The following REEP3 variants were observed in gnomAD, a reference collection of about 807,000 sequenced individuals.
The protein encoded by REEP3 is receptor accessory protein 3, also known as receptor expression-enhancing protein 3.
REEP3 carries 20 observed loss-of-function variants against 41.3 expected under a neutral mutation model. The observed-to-expected ratio is 0.48, with a 90% CI of 0.34 to 0.70. The LOEUF is 0.70. REEP3 is among the 30% of genes least tolerant of loss of function. REEP3 has a pLI of 0.01. For missense variants in REEP3, 271 were observed against 308.8 expected, an observed-to-expected ratio of 0.88 and a Z score of 0.92; for synonymous variants, 104 against 101.8, an observed-to-expected ratio of 1.02 and a Z score of -0.13.
intron 2 of REEP3, among the ~76,000 whole-genome samples, chr10:63,581,199 A>G (rs969798995): frequency 2.6e-5 from 4 of 152,124 alleles, no homozygotes; most frequent in Admixed American, 6.5e-5. Context: ...TGCTTTACCA[A>G]CTACAGCTGT....
rs60910642 is a variant in REEP3, at chr10:63,617,812, CTTTTTTTTTTTTTT to C, written c.566-1829_566-1816del. On this transcript the variant is annotated intron_variant, in intron 6 of 7. Coordinates refer to ENST00000373758, the MANE Select transcript of REEP3 (RefSeq NM_001001330.3). ...TCCTAAGCCTGGAAATCCTTCTACT[CTTTTTTTTTTTTTT>C]TTTTTTTTTTTTTAAAGAGATGGAG... Among the ~76,000 whole-genome samples, 11 of 83,548 alleles carry C rather than the reference CTTTTTTTTTTTTTT, an allele frequency of 1.3e-4. No individual in the cohort carries two copies. The Admixed American group carries it at 1.3e-3, about 10-fold the overall frequency. 54.8% of individuals were successfully genotyped at this position (83,548 alleles called of 152,430 possible).
chr10:63,523,099 T>C (rs997529775), intron 1 of REEP3, among the ~76,000 whole-genome samples: 10 of 152,208 alleles, frequency 6.6e-5, no homozygotes, highest in African/African-American at 2.4e-4. Flanking sequence ...TTTTAGACTT[T>C]TGTTTTTCAT....
chr10:63,592,691 G>C (rs1956075938), intron 2 of REEP3, among the ~76,000 whole-genome samples: 1 of 150,888 alleles, frequency 6.6e-6, no homozygotes, highest in Non-Finnish European at 1.5e-5. Flanking sequence ...AGGAGTTCGA[G>C]ACCAGTCTGG....
intron 2 of REEP3, among the ~76,000 whole-genome samples, chr10:63,582,401 A>T (rs1275231217): frequency 2.0e-5 from 3 of 152,212 alleles, no homozygotes; most frequent in Admixed American, 6.5e-5. Context: ...CATGATTCCT[A>T]TCCACAGCCA....
intron 5 of REEP3, among the ~76,000 whole-genome samples, chr10:63,609,856 A>G (rs547524487): frequency 6.6e-6 from 1 of 152,330 alleles, no homozygotes; most frequent in East Asian, 1.9e-4. Context: ...GTTTTAGGAG[A>G]CATCAACATT....
intron 1 of REEP3, among the ~76,000 whole-genome samples, chr10:63,531,143 A>G (rs1955417814): frequency 6.6e-6 from 1 of 152,262 alleles, no homozygotes; most frequent in South Asian, 2.1e-4. Flanking sequence ...AACAGGGAAA[A>G]CAGTAGCAAT....
At chr10:63,616,490 G>A (rs1335055025) in intron 6 of REEP3, among the ~76,000 whole-genome samples, 1 of 152,098 alleles carries the variant, frequency 6.6e-6, no homozygotes, top group African/African-American at 2.4e-5. Flanking sequence ...GTGGAGTAAT[G>A]AATCAATCCA....
chr10:63,521,789 G>A, intron 1 of REEP3: 1 of 322,096 alleles, frequency 3.1e-6, no homozygotes, highest in Non-Finnish European at 5.7e-6. Context: ...GCCTAGCTGC[G>A]GCGACTGCGG....
intron 4 of REEP3, among the ~76,000 whole-genome samples, chr10:63,598,652 C>T (rs969685121): frequency 2.7e-5 from 4 of 150,918 alleles, no homozygotes; most frequent in Non-Finnish European, 5.9e-5. Flanking sequence ...GGCGTGGTGG[C>T]GGGCACCCAT....
intron 2 of REEP3, among the ~76,000 whole-genome samples, chr10:63,579,011 G>C (rs1955922596): frequency 7.1e-6 from 1 of 141,090 alleles, no homozygotes; most frequent in Non-Finnish European, 1.5e-5. Flanking sequence ...ATCATCAAGT[G>C]TTTTATATTC....
chr10:63,590,656 G>C (rs1296391631), intron 2 of REEP3, among the ~76,000 whole-genome samples: 2 of 152,146 alleles, frequency 1.3e-5, no homozygotes, highest in Non-Finnish European at 2.9e-5. Flanking sequence ...ACTGTCATCT[G>C]GGTTGAAATT....
At chr10:63,522,391 T>C (rs1019823382) in intron 1 of REEP3, among the ~76,000 whole-genome samples, 1 of 152,156 alleles carries the variant, frequency 6.6e-6, no homozygotes, top group African/African-American at 2.4e-5. Context: ...AGAAATTCCT[T>C]GAGTTGGTGG....
intron 2 of REEP3, among the ~76,000 whole-genome samples, chr10:63,586,978 A>T (rs541477380): frequency 7.5e-6 from 1 of 133,570 alleles, no homozygotes; most frequent in East Asian, 2.3e-4. Flanking sequence ...ACTGACGTTT[A>T]TGCATGTTTT....
At chr10:63,614,911 G>A (rs539132746) in intron 6 of REEP3, among the ~76,000 whole-genome samples, 1 of 152,228 alleles carries the variant, frequency 6.6e-6, no homozygotes, top group South Asian at 2.1e-4. Context: ...AATCAGACAA[G>A]TGTTCAAAGA....
Position 63,598,075 on chromosome 10 carries a change from T to C in REEP3, c.234T>C (p.Ser78=). The change falls in exon 4 of 8, where the codon TCT becomes TCC. Residue 78 remains serine (S), a synonymous_variant. Transcript: ENST00000373758. ...LKIAFVIWLL[S]PYTKGASLIY... ...TTGCTTTTGTCATATGGCTGCTTTC[T>C]CCCTATACCAAAGGAGCAAGTTTAA... The C allele has an allele frequency of 6.2e-7, 1 of 1,605,946 alleles. No homozygotes were observed. Among genetic ancestry groups the C allele is most frequent in the Non-Finnish European group, 8.5e-7 (1 of 1,172,614 alleles).
rs544931667 is a variant in REEP3 at position 63,593,966 on chromosome 10, G to A, written c.106-812G>A. ...GCTGCATCATTAATAGAAGTAAGAA[G>A]CCCAGGATTGTTGTTTGCTTTCTGA... On this transcript the variant is annotated intron_variant, in intron 2 of 7. Transcript: ENST00000373758. 2.6e-5 allele frequency among the ~76,000 whole-genome samples: 4 copies of A among 152,140 alleles called. No homozygotes were observed. In the East Asian group the frequency reaches 7.7e-4, roughly 29 times the overall value.
At chr10:63,535,998 C>T (rs1409872333) in intron 1 of REEP3, among the ~76,000 whole-genome samples, 1 of 152,160 alleles carries the variant, frequency 6.6e-6, no homozygotes, top group African/African-American at 2.4e-5. Flanking sequence ...GTTTTATAGC[C>T]TACCATGTAT....
At chr10:63,543,733 C>G (rs1349168042) in intron 1 of REEP3, among the ~76,000 whole-genome samples, 1 of 152,098 alleles carries the variant, frequency 6.6e-6, no homozygotes, top group Non-Finnish European at 1.5e-5. Flanking sequence ...CAGAGCTAAG[C>G]ATGACACAGT....
intron 2 of REEP3, among the ~76,000 whole-genome samples, chr10:63,593,451 C>A (rs904329981): frequency 1.3e-5 from 2 of 152,168 alleles, no homozygotes; most frequent in Admixed American, 1.3e-4. Flanking sequence ...CTCTGTGCCA[C>A]TGTTTTCTTA....
Sources: gnomAD v4.1 joint callset for allele counts (sites outside exome capture counted in the v4.1 genomes callset) on GRCh38, gnomAD v4.1.1 for gene constraint, MANE v1.5 for transcripts, NCBI Gene and HGNC (gene_info 2026-07-23, HGNC 2026-07-21) for gene names.